ATAD3C: variants seen among roughly 807,000 people sequenced by gnomAD.
ATAD3C encodes the protein ATPase family AAA domain containing 3C, also known as ATPase family AAA domain-containing protein 3C.
ATAD3C carries 38 observed loss-of-function variants against 46.3 expected under a neutral mutation model. That is an observed-to-expected ratio of 0.82 (90% CI 0.63 to 1.08). The LOEUF is 1.08. Among genes scored for constraint, ATAD3C ranks in the 50% least tolerant of loss-of-function variants. The pLI is 0.00. For missense variants in ATAD3C, 563 were observed against 572.7 expected (o/e 0.98, Z 0.17); for synonymous variants, 220 against 236.4 (o/e 0.93, Z 0.63).
chr1:1,455,682 G>C (rs1391125212), intron 5 of ATAD3C, 109 bp from the exon 6 acceptor site: 8 of 1,563,912 alleles, frequency 5.1e-6, no homozygotes, highest in Non-Finnish European at 6.9e-6. Context: ...CCACGAGCTG[G>C]GTGGCTCCCC....
rs1447271476 is a variant in ATAD3C, at chr1:1,459,770, C to A, written c.812+539C>A. Among the ~76,000 whole-genome samples, 6 of 152,058 alleles carry A rather than the reference C, an allele frequency of 3.9e-5. No homozygotes were observed. On this transcript the variant is annotated intron_variant, in intron 9 of 11. Coordinates refer to ENST00000378785, the MANE Select transcript of ATAD3C (RefSeq NM_001039211.3). The surrounding 1 kb of genome is among the most constrained non-coding windows in gnomAD (Gnocchi z 4.9). Reference sequence around the variant, plus strand: ...CCTCTGTGGGCTGCCGCCCAGATGTCCCCCATAGGGTGACCGCCCCATGGC... The same window carrying A: ...CCTCTGTGGGCTGCCGCCCAGATGTACCCCATAGGGTGACCGCCCCATGGC...
chr1:1,459,218 C>T lies in ATAD3C; in HGVS notation c.799C>T (p.Gln267Ter), dbSNP rs561467649. The T allele has an allele frequency of 6.2e-7, 1 of 1,612,588 alleles. No individual in the cohort carries two copies. Among genetic ancestry groups the T allele is most frequent in the East Asian group, 2.2e-5 (1 of 44,868 alleles). ...TLNAFLYRTG[Q>*]HSNKFMLILA... Reference sequence around the variant, plus strand: ...GAACGCCTTCCTGTACCGCACGGGCCAGCACAGCAACAAGTGAGGGAGCCC... The same window carrying T: ...GAACGCCTTCCTGTACCGCACGGGCTAGCACAGCAACAAGTGAGGGAGCCC... Residue 267 changes from glutamine to a stop codon, truncating the protein, a stop_gained, in exon 9 of 12, where the codon CAG (glutamine) becomes TAG (stop). Coordinates refer to ENST00000378785, the MANE Select transcript of ATAD3C (RefSeq NM_001039211.3). LOFTEE classifies it high-confidence loss of function. This position sits in a 1 kb window ranked among gnomAD's most constrained non-coding sequence, Gnocchi z 4.9.
At chr1:1,458,877 C>T (rs1050028647) in intron 8 of ATAD3C, among the ~76,000 whole-genome samples, 3 of 151,782 alleles carry the variant, frequency 2.0e-5, no homozygotes, top group East Asian at 1.9e-4. Context: ...TGTGCCACCA[C>T]GCCTGGCTAA....
chr1:1,455,710 C>A, intron 5 of ATAD3C, 81 bp from the exon 6 acceptor site: 1 of 1,591,148 alleles, frequency 6.3e-7, no homozygotes, highest in South Asian at 1.1e-5. Flanking sequence ...GGAGTCCACA[C>A]CCAGGCATTC....
At chr1:1,461,288 C>T (rs1285622389) in intron 10 of ATAD3C, among the ~76,000 whole-genome samples, 3 of 151,952 alleles carry the variant, frequency 2.0e-5, no homozygotes, top group Non-Finnish European at 4.4e-5. Flanking sequence ...CCTGGATTCA[C>T]GCGATTCTCC....
intron 11 of ATAD3C, among the ~76,000 whole-genome samples, chr1:1,463,027 C>G (rs998754628): frequency 6.6e-6 from 1 of 152,104 alleles, no homozygotes; most frequent in East Asian, 1.9e-4. Flanking sequence ...CAGGCACCCC[C>G]CAGTGTGAAT....
At chr1:1,465,075 G>A (rs1490784211) in intron 11 of ATAD3C, among the ~76,000 whole-genome samples, 1 of 150,870 alleles carries the variant, frequency 6.6e-6, no homozygotes, top group East Asian at 2.0e-4. Flanking sequence ...TAGTAGAGAC[G>A]GGGTTTCACC....
At chr1:1,467,056 T>C (rs1297764611) in intron 11 of ATAD3C, among the ~76,000 whole-genome samples, 1 of 152,048 alleles carries the variant, frequency 6.6e-6, no homozygotes, top group East Asian at 1.9e-4. Flanking sequence ...AGAGACTTCC[T>C]GGGCCTGGGA....
chr1:1,452,155 A>G (rs1372865354), intron 2 of ATAD3C, 33 bp downstream of exon 2: 2 of 1,610,220 alleles, frequency 1.2e-6, no homozygotes, highest in African/African-American at 2.7e-5. Flanking sequence ...CCGGCCGCAG[A>G]TGGAGCCCCC....
intron 1 of ATAD3C, among the ~76,000 whole-genome samples, chr1:1,451,171 G>A (rs993316285): frequency 1.3e-5 from 2 of 151,306 alleles, no homozygotes; most frequent in African/African-American, 4.9e-5. Context: ...CTCCTGAGGA[G>A]CTGGGACTAC....
intron 9 of ATAD3C, 94 bp from the exon 10 acceptor site, chr1:1,460,656 G>C (rs1285450735): frequency 1.4e-6 from 2 of 1,435,144 alleles, no homozygotes; most frequent in Non-Finnish European, 1.8e-6. Flanking sequence ...GATTCTCCCA[G>C]AAAGTCTTCC....
intron 11 of ATAD3C, among the ~76,000 whole-genome samples, chr1:1,465,750 G>C (rs558370960): frequency 6.6e-6 from 1 of 151,922 alleles, no homozygotes; most frequent in Admixed American, 6.6e-5. Flanking sequence ...TATATCATCT[G>C]AGAACAGGTG....
chr1:1,458,448 C>CTT (rs201787085), intron 8 of ATAD3C, among the ~76,000 whole-genome samples: 2,436 of 146,868 alleles, frequency 0.017, 73 homozygotes, highest in African/African-American at 0.056. Context: ...CTCATTTTGT[C>CTT]TTTTTTTTTT....
At position 1,462,411 on chromosome 1, in the gene ATAD3C, G is replaced by A. The variant is rs562387479; in HGVS notation, c.981-189G>A. The stretch of plus-strand genomic sequence containing the variant: ...GCGGCCATCTCCAGGCCCCACAGCC[G>A]CCCCCTTCCTGCTCAGCCCAGGCCT... On this transcript the variant is annotated intron_variant, in intron 10 of 11. Coordinates refer to ENST00000378785, the MANE Select transcript of ATAD3C (RefSeq NM_001039211.3). This position sits in a 1 kb window ranked among gnomAD's most constrained non-coding sequence, Gnocchi z 4.5. 36 of 574,838 alleles carry A rather than the reference G, an allele frequency of 6.3e-5. 1 individual carries two copies. Among genetic ancestry groups the A allele is most frequent in the South Asian group, 1.4e-4 (7 of 50,838 alleles). The allele number at this position is 574,838 out of a possible 1,614,324, so 35.6% of individuals were successfully genotyped here. A position where few individuals can be genotyped will look rare whatever the true frequency, so the allele number is the denominator to read the frequency against.
Position 1,459,272 on chromosome 1 carries a change from G to A in ATAD3C, c.812+41G>A. ...GGGTCCTGGGCCCCCGGGCAGGGCT[G>A]TGCAGCCGTCACCCTTGGTTCCCAC... is the stretch of plus-strand genomic sequence containing the variant. On this transcript the variant is annotated intron_variant, in intron 9 of 11. Coordinates refer to ENST00000378785, the MANE Select transcript of ATAD3C (RefSeq NM_001039211.3). This position sits in a 1 kb window ranked among gnomAD's most constrained non-coding sequence, Gnocchi z 4.9. 1 of 1,605,906 alleles carries A rather than the reference G, an allele frequency of 6.2e-7. No homozygotes were observed.
chr1:1,469,073 C>G lies in ATAD3C; in HGVS notation c.*543C>G, dbSNP rs1639196941. ...GGTCGGGAGTTCCAGACCAGCCTGG[C>G]CAACATGGTGAAACTCCATCTCTCC... On this transcript the variant is annotated 3_prime_UTR_variant, in exon 12 of 12. Coordinates refer to ENST00000378785, the MANE Select transcript of ATAD3C (RefSeq NM_001039211.3). 8.3e-6 allele frequency: 1 copy of G among 120,078 alleles called. No homozygotes were observed. The highest frequency in any genetic ancestry group is 1.6e-5 in the Non-Finnish European group (1 of 61,246). 7.4% of individuals were successfully genotyped at this position (120,078 alleles called of 1,614,324 possible).
intron 9 of ATAD3C, among the ~76,000 whole-genome samples, 182 bp from the exon 10 acceptor site, chr1:1,460,568 G>A (rs1244985265): frequency 4.6e-5 from 7 of 152,186 alleles, no homozygotes; most frequent in East Asian, 1.9e-4. Flanking sequence ...AGCTGGGCGT[G>A]GTGGGGCAGG....
At position 1,468,908 on chromosome 1, in the gene ATAD3C, C is replaced by T. The variant is rs890570701; in HGVS notation, c.*378C>T. On this transcript the variant is annotated 3_prime_UTR_variant, in exon 12 of 12. Coordinates refer to ENST00000378785, the MANE Select transcript of ATAD3C (RefSeq NM_001039211.3). ...GACACACGGTGGAGGGAAGTGCACG[C>T]GAAACAGACACAGCGGCTTCAAATA... 2.4e-5 allele frequency: 6 copies of T among 253,868 alleles called. No individual in the cohort carries two copies. Among genetic ancestry groups the T allele is most frequent in the Admixed American group, 5.4e-5 (1 of 18,634 alleles). 15.7% of individuals were successfully genotyped at this position (253,868 alleles called of 1,614,324 possible). A position where few individuals can be genotyped will look rare whatever the true frequency, so the allele number is the denominator to read the frequency against.
chr1:1,464,707 G>T (rs557279892), intron 11 of ATAD3C, among the ~76,000 whole-genome samples: 81 of 151,940 alleles, frequency 5.3e-4, no homozygotes, highest in Admixed American at 3.9e-3. Flanking sequence ...GGAGGCGGAG[G>T]TTCCAGTGAG....
Sources: allele counts gnomAD v4.1 joint callset (sites outside exome capture counted in the v4.1 genomes callset), GRCh38; gene constraint gnomAD v4.1.1; non-coding constraint Gnocchi (gnomAD v3.1); transcripts MANE v1.5; gene names NCBI Gene and HGNC (gene_info 2026-07-23, HGNC 2026-07-21).